Variants in TRPM7 observed in about 807,000 individuals in gnomAD.
The protein encoded by TRPM7 is LTRPC ion channel family member 7.
A neutral mutation model predicts 229.7 loss-of-function variants in TRPM7; 134 were observed. The ratio of observed to expected loss-of-function variants is 0.58; its 90% CI spans 0.51 to 0.67. The LOEUF is 0.67. Among genes scored for constraint, TRPM7 ranks in the 30% least tolerant of loss-of-function variants. The pLI, the probability that TRPM7 is intolerant of heterozygous loss-of-function variation, is 0.00. For synonymous variants in TRPM7, 699 were observed against 715.2 expected, an observed-to-expected ratio of 0.98 and a Z score of 0.36; for missense variants, 1,901 against 2,210.0, an observed-to-expected ratio of 0.86 and a Z score of 2.80.
rs1339544300 is a variant in TRPM7 at position 50,575,110 on chromosome 15, C to T, written c.4761G>A (p.Leu1587=). The T allele has an allele frequency of 1.2e-6, 2 of 1,610,906 alleles. No individual in the cohort carries two copies. Among genetic ancestry groups the T allele is most frequent in the Admixed American group, 3.3e-5 (2 of 59,892 alleles). ...TTAGTATGTTGGGTGAACTCTCTTC[C>T]AAACGATACACTGTGACAGGCTCCC... ...PRGEPVTVYR[L]EESSPNILNN... is the part of the protein sequence containing the mutation. Residue 1587 remains leucine, a synonymous_variant, in exon 34 of 39, where the codon TTG becomes TTA. Coordinates refer to ENST00000646667, the MANE Select transcript of TRPM7 (RefSeq NM_017672.6).
At chr15:50,685,099 G>A (rs778525473) in intron 1 of TRPM7, among the ~76,000 whole-genome samples, 20 of 152,202 alleles carry the variant, frequency 1.3e-4, no homozygotes, top group South Asian at 2.1e-4. Context: ...AATTCACATG[G>A]TTGAAGCTGT....
chr15:50,652,328 C>CAAAAAAAAAAAAAAAAAAAAA (rs34122648), intron 3 of TRPM7, among the ~76,000 whole-genome samples: 1 of 34,224 alleles, frequency 2.9e-5, no homozygotes, highest in African/African-American at 1.4e-4. Context: ...GACTCCATCT[C>CAAAAAAAAAAAAAAAAAAAAA]AAAAAAAAAA....
intron 2 of TRPM7, among the ~76,000 whole-genome samples, chr15:50,660,093 T>C (rs1424138503): frequency 6.6e-6 from 1 of 152,254 alleles, no homozygotes; most frequent in African/African-American, 2.4e-5. Context: ...AATAGCCATG[T>C]GACTTGGGAA....
At chr15:50,636,351 C>T (rs981365284) in intron 7 of TRPM7, among the ~76,000 whole-genome samples, 1 of 151,984 alleles carries the variant, frequency 6.6e-6, no homozygotes, top group Non-Finnish European at 1.5e-5. Context: ...CCACCACGCT[C>T]GGCTAATTTT....
intron 15 of TRPM7, among the ~76,000 whole-genome samples, chr15:50,613,241 C>T (rs529915359): frequency 5.9e-5 from 9 of 152,110 alleles, no homozygotes; most frequent in Non-Finnish European, 1.0e-4. Context: ...CGGTGGCCCA[C>T]GCCTGTAATC....
chr15:50,621,093 G>A (rs960097029), intron 12 of TRPM7, among the ~76,000 whole-genome samples: 3 of 147,846 alleles, frequency 2.0e-5, no homozygotes, highest in South Asian at 4.3e-4. Context: ...CCTGGGGGCG[G>A]AGCCTGCAGT....
At chr15:50,662,318 C>T (rs1197053456) in intron 2 of TRPM7, among the ~76,000 whole-genome samples, 1 of 145,738 alleles carries the variant, frequency 6.9e-6, no homozygotes, top group Non-Finnish European at 1.5e-5. Context: ...CAGAGCAAGA[C>T]TCTGTTCCAA....
intron 11 of TRPM7, among the ~76,000 whole-genome samples, chr15:50,625,867 T>C (rs190551371): frequency 4.1e-4 from 62 of 152,376 alleles, no homozygotes; most frequent in African/African-American, 1.3e-3. Flanking sequence ...ATAATACTTA[T>C]TAGTTTTCTC....
chr15:50,579,936 A>T (rs1339823989), intron 30 of TRPM7, among the ~76,000 whole-genome samples: 1 of 152,136 alleles, frequency 6.6e-6, no homozygotes, highest in African/African-American at 2.4e-5. Flanking sequence ...ACAAGCGCAC[A>T]CCACTATACC....
intron 28 of TRPM7, 53 bp downstream of exon 28, chr15:50,586,339 A>T: frequency 8.4e-7 from 1 of 1,192,356 alleles, no homozygotes; most frequent in Non-Finnish European, 1.2e-6. Flanking sequence ...AAATACATTT[A>T]AAGTGTAAAT....
chr15:50,610,273 A>G (rs986074556), intron 17 of TRPM7, among the ~76,000 whole-genome samples: 4 of 152,124 alleles, frequency 2.6e-5, no homozygotes, highest in African/African-American at 4.8e-5. Flanking sequence ...TTTGTTCAAA[A>G]AATACATTTT....
chr15:50,686,455 C>G (rs1431226598), intron 1 of TRPM7, 76 bp downstream of exon 1: 3 of 1,613,064 alleles, frequency 1.9e-6, no homozygotes, highest in Non-Finnish European at 2.5e-6. Flanking sequence ...TCCCCACACA[C>G]TTGCCTGCCA....
At chr15:50,623,766 A>C (rs1023759848) in intron 12 of TRPM7, among the ~76,000 whole-genome samples, 2 of 151,722 alleles carry the variant, frequency 1.3e-5, no homozygotes, top group African/African-American at 4.8e-5. Flanking sequence ...AAAGGGGTAT[A>C]CCATGAGGTC....
intron 1 of TRPM7, among the ~76,000 whole-genome samples, chr15:50,682,186 A>AAAAAAAAAAAAAAAG: frequency 6.7e-6 from 1 of 148,442 alleles, no homozygotes; most frequent in Non-Finnish European, 1.5e-5. Flanking sequence ...AAAAAAAAAA[A>AAAAAAAAAAAAAAAG]AAAAAGGACT....
intron 21 of TRPM7, chr15:50,604,606 G>T: frequency 6.0e-5 from 14 of 233,388 alleles, no homozygotes; most frequent in Admixed American, 1.1e-4. Flanking sequence ...CTGGATCAGT[G>T]AAGACAGGAA....
rs531704959 is a variant in TRPM7, at chr15:50,594,440, G to C, written c.3464C>G (p.Ser1155Cys). 1.4e-5 allele frequency: 22 copies of C among 1,609,450 alleles called. No homozygotes were observed. In the South Asian group the frequency reaches 2.4e-4, roughly 18 times the overall value. ...TATAGTTTACTTACTTGGTCCATCG[G>C]AAGTCTTATCTTTCTTTCTTCTCTT... ...ICKRRKKDKTSDGPKLFLTEE... is the reference protein window; with the variant it reads ...ICKRRKKDKTCDGPKLFLTEE... Residue 1155 changes from serine (S) to cysteine (C), a missense_variant, in exon 24 of 39, where the codon TCC becomes TGC. Ser to Cys is a moderately radical substitution (Grantham distance 112, BLOSUM62 -1). This residue lies in a region of TRPM7 where 533 missense variants were observed against 497.1 expected (regional missense o/e 1.07). Coordinates refer to ENST00000646667, the MANE Select transcript of TRPM7 (RefSeq NM_017672.6).
rs1400383980 is a variant in TRPM7, at chr15:50,679,538, A to ATATT, written c.3+6992_3+6993insAATA. ...TATATATATATATATATATATATAT[A>ATATT]TTTTTTTTTTTTTTTGAGACAGAGT... On this transcript the variant is annotated intron_variant, in intron 1 of 38. Transcript: ENST00000646667. 1.2e-3 allele frequency among the ~76,000 whole-genome samples: 54 copies of ATATT among 43,886 alleles called. 1 individual carries two copies. Among genetic ancestry groups the ATATT allele is most frequent in the African/African-American group, 5.4e-3 (50 of 9,304 alleles). The allele number at this position is 43,886 out of a possible 152,430, so 28.8% of individuals were successfully genotyped here.
chr15:50,617,535 C>T (rs1402335418), intron 13 of TRPM7, among the ~76,000 whole-genome samples: 2 of 151,960 alleles, frequency 1.3e-5, no homozygotes, highest in African/African-American at 2.4e-5. Flanking sequence ...TAAAATGTCT[C>T]GGTTCTTCCT....
chr15:50,649,511 A>G (rs925471635), intron 3 of TRPM7, among the ~76,000 whole-genome samples: 11 of 152,148 alleles, frequency 7.2e-5, no homozygotes, highest in Admixed American at 6.6e-4. Context: ...ACCACTAATA[A>G]TACTACAGAA....
Sources: allele counts gnomAD v4.1 joint callset (sites outside exome capture counted in the v4.1 genomes callset), GRCh38; gene constraint gnomAD v4.1.1; regional missense constraint gnomAD v4.1.1; transcripts MANE v1.5; gene names NCBI Gene and HGNC (gene_info 2026-07-23, HGNC 2026-07-21).